The following C11orf24 variants were observed in gnomAD, a reference collection of about 807,000 sequenced individuals.
C11orf24 encodes the protein uncharacterized protein C11orf24.
In C11orf24, 5 loss-of-function variants were observed where a neutral mutation model predicts 7.3. The observed-to-expected ratio is 0.69, with a 90% confidence interval of 0.36 to 1.45. The LOEUF is 1.45. C11orf24 is among the 40% of genes most tolerant of loss of function. C11orf24 has a pLI of 0.03. For synonymous variants in C11orf24, 233 were observed against 235.7 expected (o/e 0.99, Z 0.11); for missense variants, 566 against 590.5 (o/e 0.96, Z 0.43).
rs180942201 is a variant in C11orf24 at position 68,265,495 on chromosome 11, G to A, written c.-99-1629C>T. Reference sequence around the variant, plus strand: ...AATGCTCCACAGAAGTGATGTGGACGCCTTAACACATTTTTATTTTTTTGA... The same window carrying A: ...AATGCTCCACAGAAGTGATGTGGACACCTTAACACATTTTTATTTTTTTGA... On this transcript the variant is annotated intron_variant, in intron 2 of 3. Transcript: ENST00000304271. 2.0e-3 allele frequency among the ~76,000 whole-genome samples: 308 copies of A among 152,264 alleles called. 2 individuals carry two copies. The highest frequency in any genetic ancestry group is 7.0e-3 in the African/African-American group (290 of 41,550).
chr11:68,267,695 A>G (rs192108212), intron 2 of C11orf24: 32 of 152,936 alleles, frequency 2.1e-4, no homozygotes, highest in Admixed American at 6.5e-4. Flanking sequence ...TCTACAAAAA[A>G]TACAGAAATT....
intron 2 of C11orf24, among the ~76,000 whole-genome samples, chr11:68,266,467 A>G (rs1312962337): frequency 6.6e-6 from 1 of 152,238 alleles, no homozygotes; most frequent in African/African-American, 2.4e-5. Flanking sequence ...AAGAGTCACT[A>G]ACTTTTCTCT....
At chr11:68,267,861 A>T (rs1029704044) in intron 2 of C11orf24, 193 bp downstream of exon 2, 4 of 152,288 alleles carry the variant, frequency 2.6e-5, no homozygotes, top group African/African-American at 9.7e-5. Context: ...TCAAACAAAC[A>T]AACAAAAAAA....
rs752984412 is a variant in C11orf24, at chr11:68,262,474, G to T, written c.521C>A (p.Thr174Lys). 1.2e-6 allele frequency: 2 copies of T among 1,614,122 alleles called. No homozygotes were observed. The highest frequency in any genetic ancestry group is 2.2e-5 in the South Asian group (2 of 91,090). Residue 174 changes from threonine (T) to lysine (K), a missense_variant, in exon 4 of 4, where the codon ACA (threonine) becomes AAA (lysine). By Grantham distance (78) the Thr-to-Lys change is moderately conservative (BLOSUM62 -1). Transcript: ENST00000304271. ...LALPAPTSTSTGRTPSTTATG... is the reference protein window; with the variant it reads ...LALPAPTSTSKGRTPSTTATG... Reference sequence around the variant, plus strand: ...GGCGGTAGTGGACGGGGTCCGCCCTGTGGAAGTGGACGTGGGCGCGGGGAG... The same window carrying T: ...GGCGGTAGTGGACGGGGTCCGCCCTTTGGAAGTGGACGTGGGCGCGGGGAG...
Position 68,262,645 on chromosome 11 carries a change from G to A in C11orf24, c.350C>T (p.Ala117Val), listed in dbSNP as rs765239763. Residue 117 changes from alanine to valine, a missense_variant, in exon 4 of 4, where the codon GCC becomes GTC. Transcript: ENST00000304271. ...ACTGGAGGCCGCAGTCGTAATGGAG[G>A]CCGCAGTCGTACTGGAGGCCACAGC... is the stretch of plus-strand genomic sequence containing the variant. Reference protein sequence around the residue: ...PTAVASSTTAASITTAASSMT... With the variant: ...PTAVASSTTAVSITTAASSMT... The A allele has an allele frequency of 2.5e-5, 40 of 1,613,916 alleles. No individual in the cohort carries two copies. The highest frequency in any genetic ancestry group is 3.4e-5 in the Non-Finnish European group (40 of 1,180,024).
At chr11:68,267,987 G>T in intron 2 of C11orf24, 67 bp downstream of exon 2, 1 of 152,600 alleles carries the variant, frequency 6.6e-6, no homozygotes, top group Non-Finnish European at 1.5e-5. Flanking sequence ...ATCTTGCAAA[G>T]CTCCCTCTGG....
rs377042849 is a variant in C11orf24, at chr11:68,262,840, G to A, written c.155C>T (p.Ser52Phe). Reference protein sequence around the residue: ...ASVETVDNKTSEDVTMAAASP... With the variant: ...ASVETVDNKTFEDVTMAAASP... Reference sequence around the variant, plus strand: ...AGCTGCTGCCATGGTTACATCCTCAGACGTTTTATTATCAACTGTTTCCAC... The same window carrying A: ...AGCTGCTGCCATGGTTACATCCTCAAACGTTTTATTATCAACTGTTTCCAC... Residue 52 changes from serine (S) to phenylalanine (F), a missense_variant, in exon 4 of 4, where the codon TCT (serine) becomes TTT (phenylalanine). Coordinates refer to ENST00000304271, the MANE Select transcript of C11orf24 (RefSeq NM_022338.4). 6 of 1,614,176 alleles carry A rather than the reference G, an allele frequency of 3.7e-6. No individual in the cohort carries two copies. The East Asian group carries it at 8.9e-5, about 24-fold the overall frequency.
chr11:68,270,204 G>A (rs1172428596), intron 1 of C11orf24, among the ~76,000 whole-genome samples: 3 of 152,164 alleles, frequency 2.0e-5, no homozygotes, highest in Non-Finnish European at 4.4e-5. Flanking sequence ...ATGGAAAGAC[G>A]GAAGGTTAGG....
chr11:68,267,302 A>G (rs2098565697), intron 2 of C11orf24: 1 of 152,216 alleles, frequency 6.6e-6, no homozygotes. Context: ...CTTGGAACAG[A>G]CAAGGACCTT....
At chr11:68,270,421 CCTTGG>C (rs1292531324) in intron 1 of C11orf24, among the ~76,000 whole-genome samples, 5 of 151,982 alleles carry the variant, frequency 3.3e-5, no homozygotes, top group African/African-American at 1.2e-4. Flanking sequence ...GTGTTCCGAA[CCTTGG>C]CTTGTTATAT....
Position 68,261,883 on chromosome 11 carries a change from G to A in C11orf24, c.1112C>T (p.Pro371Leu). ...TPRSSGGTKM[P>L]ATDSCQPSTQ... ...GCTGGGCTGGCACGAGTCCGTGGCT[G>A]GCATCTTAGTGCCCCCTGAGCTCCT... The change falls in exon 4 of 4, where the codon CCA (proline) becomes CTA (leucine). Residue 371 changes from proline (P) to leucine (L), a missense_variant. Physicochemically the swap from Pro to Leu is moderately conservative, Grantham distance 98 (BLOSUM62 -3). Transcript: ENST00000304271. 6.2e-7 allele frequency: 1 copy of A among 1,614,044 alleles called. No individual in the cohort carries two copies. The highest frequency in any genetic ancestry group is 8.5e-7 in the Non-Finnish European group (1 of 1,180,040).
In C11orf24 at chr11:68,263,055, G is replaced by A. The variant is rs1234600066; in HGVS notation, c.77-137C>T. 6 of 666,498 alleles carry A rather than the reference G, an allele frequency of 9.0e-6. 1 individual carries two copies. Among genetic ancestry groups the A allele is most frequent in the South Asian group, 7.6e-5 (4 of 52,642 alleles). 41.3% of individuals were successfully genotyped at this position (666,498 alleles called of 1,614,324 possible). Reference sequence around the variant, plus strand: ...GCCAGAGTCGGGGGAGGTGATGTGCGAACATGCTTCCTCCCCATCTCTCTT... The same window carrying A: ...GCCAGAGTCGGGGGAGGTGATGTGCAAACATGCTTCCTCCCCATCTCTCTT... On this transcript the variant is annotated intron_variant, in intron 3 of 3. Coordinates refer to ENST00000304271, the MANE Select transcript of C11orf24 (RefSeq NM_022338.4).
rs2098561837 is a variant in C11orf24, at chr11:68,261,832, G to T, written c.1163C>A (p.Thr388Asn). 14 of 1,614,184 alleles carry T rather than the reference G, an allele frequency of 8.7e-6. No homozygotes were observed. Among genetic ancestry groups the T allele is most frequent in the African/African-American group, 1.3e-5 (1 of 75,062 alleles). Residue 388 changes from threonine (T) to asparagine (N), a missense_variant, in exon 4 of 4, where the codon ACC becomes AAC. By Grantham distance (65) the Thr-to-Asn change is moderately conservative. Coordinates refer to ENST00000304271, the MANE Select transcript of C11orf24 (RefSeq NM_022338.4). ...CACGGCCTGGGTGAGGGGCTCAGTG[G>T]TGACCACCATGTACTGGCCTTGGGT... ...PSTQGQYMVV[T>N]TEPLTQAVVD...
At chr11:68,264,473 T>TCCACCCAC (rs2098563573) in intron 2 of C11orf24, among the ~76,000 whole-genome samples, 1 of 142,832 alleles carries the variant, frequency 7.0e-6, no homozygotes, top group African/African-American at 2.6e-5. Flanking sequence ...TATCCATCCA[T>TCCACCCAC]CCATCCATCC....
In C11orf24 at chr11:68,262,894, C is replaced by T; in HGVS notation, c.101G>A (p.Trp34Ter). ...DPRNFVPNKM[W>*]KGLVKRNASV... ...TGCATTCCTCTTGACTAATCCCTTC[C>T]ACATTTTGTTAGGGACAAAGTTGCC... Residue 34 changes from tryptophan to a stop codon, truncating the protein, a stop_gained, in exon 4 of 4, where the codon TGG becomes TAG. Coordinates refer to ENST00000304271, the MANE Select transcript of C11orf24 (RefSeq NM_022338.4). LOFTEE classifies it low-confidence loss of function (END_TRUNC). 4 of 1,613,650 alleles carry T rather than the reference C, an allele frequency of 2.5e-6. No homozygotes were observed. Among genetic ancestry groups the T allele is most frequent in the Non-Finnish European group, 3.4e-6 (4 of 1,179,838 alleles).
In C11orf24 at chr11:68,262,448, T is replaced by G. The variant is rs748892212; in HGVS notation, c.547A>C (p.Thr183Pro). 6.2e-7 allele frequency: 1 copy of G among 1,614,102 alleles called. No individual in the cohort carries two copies. Among genetic ancestry groups the G allele is most frequent in the Non-Finnish European group, 8.5e-7 (1 of 1,180,004 alleles). The change falls in exon 4 of 4, where the codon ACT becomes CCT. Residue 183 changes from threonine to proline, a missense_variant. Thr to Pro is a conservative substitution (Grantham distance 38). Coordinates refer to ENST00000304271, the MANE Select transcript of C11orf24 (RefSeq NM_022338.4). Reference protein sequence around the residue: ...STGRTPSTTATGHPSLSTALA... With the variant: ...STGRTPSTTAPGHPSLSTALA... ...GCTGTGCTGAGAGATGGATGCCCAGTGGCGGTAGTGGACGGGGTCCGCCCT... is the reference window on the plus strand; with the variant it reads ...GCTGTGCTGAGAGATGGATGCCCAGGGGCGGTAGTGGACGGGGTCCGCCCT...
rs1475974868 is a variant in C11orf24 at position 68,261,811 on chromosome 11, G to C, written c.1184C>G (p.Ala395Gly). The C allele has an allele frequency of 8.1e-6, 13 of 1,614,076 alleles. No homozygotes were observed. The Admixed American group carries it at 2.2e-4, about 27-fold the overall frequency. ...MVVTTEPLTQ[A>G]VVDKTLLLVV... ...CAGAAGGAGAGTTTTGTCTACCACG[G>C]CCTGGGTGAGGGGCTCAGTGGTGAC... is the stretch of plus-strand genomic sequence containing the variant. The change falls in exon 4 of 4, where the codon GCC becomes GGC. Residue 395 changes from alanine (A) to glycine (G), a missense_variant. Coordinates refer to ENST00000304271, the MANE Select transcript of C11orf24 (RefSeq NM_022338.4).
Position 68,261,536 on chromosome 11 carries a change from C to T in C11orf24, c.*109G>A. 1 of 879,756 alleles carries T rather than the reference C, an allele frequency of 1.1e-6. No homozygotes were observed. 54.5% of individuals were successfully genotyped at this position (879,756 alleles called of 1,614,324 possible). A position where few individuals can be genotyped will look rare whatever the true frequency, so the allele number is the denominator to read the frequency against. ...CAATTAAATGTGTTTAAGCATCTGG[C>T]ATATCTCCTCAATTGCACCAAAAGA... is the stretch of plus-strand genomic sequence containing the variant. On this transcript the variant is annotated 3_prime_UTR_variant, in exon 4 of 4. Coordinates refer to ENST00000304271, the MANE Select transcript of C11orf24 (RefSeq NM_022338.4).
rs145585760 is a variant in C11orf24, at chr11:68,263,884, C to T, written c.-99-18G>A. ...CAAGGGATCTGTGGTCAAGAAAGCA[C>T]GCTGGTCAGAAGGCGTCTGGCCAGC... On this transcript the variant is annotated intron_variant, in intron 2 of 3. Transcript: ENST00000304271. 7.3e-5 allele frequency: 60 copies of T among 827,362 alleles called. 1 individual carries two copies. The South Asian group carries it at 7.9e-4, about 11-fold the overall frequency. The allele number at this position is 827,362 out of a possible 1,614,324, so 51.3% of individuals were successfully genotyped here. A position where few individuals can be genotyped will look rare whatever the true frequency, so the allele number is the denominator to read the frequency against.
Sources: allele counts gnomAD v4.1 joint callset (sites outside exome capture counted in the v4.1 genomes callset), GRCh38; gene constraint gnomAD v4.1.1; transcripts MANE v1.5; gene names NCBI Gene and HGNC (gene_info 2026-07-23, HGNC 2026-07-21).